Variants in TMEM232 observed in about 807,000 individuals in gnomAD.
The protein encoded by TMEM232 is transmembrane protein 232.
TMEM232 carries 80 observed loss-of-function variants against 78.8 expected under a neutral mutation model. That is an observed-to-expected ratio of 1.01 (90% CI 0.85 to 1.22). The LOEUF (loss-of-function observed/expected upper bound fraction) is 1.22. Among genes scored for constraint, TMEM232 ranks in the 50% most tolerant of loss-of-function variants. The probability of loss-of-function intolerance (pLI) is 0.00; values close to 1 mark genes in which losing one functional copy is unlikely to be tolerated. For missense variants in TMEM232, 881 were observed against 742.2 expected (o/e 1.19, Z -2.17); for synonymous variants, 297 against 254.3 (o/e 1.17, Z -1.60).
At chr5:110,409,644 T>C (rs191367523) in intron 2 of TMEM232, among the ~76,000 whole-genome samples, 10 of 152,342 alleles carry the variant, frequency 6.6e-5, no homozygotes, top group Admixed American at 2.6e-4. Context: ...GAGATAACTT[T>C]CTATGTCATT....
intron 11 of TMEM232, among the ~76,000 whole-genome samples, chr5:110,556,196 G>T (rs1306621044): frequency 6.6e-6 from 1 of 152,068 alleles, no homozygotes; most frequent in Non-Finnish European, 1.5e-5. Flanking sequence ...AATTCCCTTA[G>T]TATTCGCTTG....
At chr5:110,651,563 T>C (rs1788304138) in intron 2 of TMEM232, among the ~76,000 whole-genome samples, 1 of 151,952 alleles carries the variant, frequency 6.6e-6, no homozygotes, top group Non-Finnish European at 1.5e-5. Flanking sequence ...ATTTAAACCA[T>C]GGGGTAGAGT....
intron 1 of TMEM232, among the ~76,000 whole-genome samples, chr5:110,704,518 G>A (rs1795735744): frequency 6.6e-6 from 1 of 151,952 alleles, no homozygotes; most frequent in Non-Finnish European, 1.5e-5. Context: ...TTTTGTTTTT[G>A]TATTTTTGTT....
chr5:110,598,528 T>C (rs1780473927), intron 10 of TMEM232, among the ~76,000 whole-genome samples: 1 of 152,118 alleles, frequency 6.6e-6, no homozygotes, highest in African/African-American at 2.4e-5. Flanking sequence ...CCCAAAGGAC[T>C]ATAAATCATG....
intron 12 of TMEM232, among the ~76,000 whole-genome samples, chr5:110,459,220 A>T (rs1249723701): frequency 6.7e-6 from 1 of 150,184 alleles, no homozygotes; most frequent in Non-Finnish European, 1.5e-5. Flanking sequence ...TATCAGTAGC[A>T]ACTCTTGTCT....
intron 1 of TMEM232, chr5:110,684,717 G>T (rs1485648398): frequency 1.3e-5 from 2 of 152,070 alleles, no homozygotes; most frequent in Non-Finnish European, 2.9e-5. Flanking sequence ...GACATATAGA[G>T]AATTCTATAT....
intron 1 of TMEM232, among the ~76,000 whole-genome samples, chr5:110,723,849 C>A (rs1202053707): frequency 6.6e-6 from 1 of 152,158 alleles, no homozygotes; most frequent in African/African-American, 2.4e-5. Flanking sequence ...GTACCTTCTT[C>A]CTTGTCCCTT....
At chr5:110,410,024 A>G (rs780900665) in intron 2 of TMEM232, among the ~76,000 whole-genome samples, 19 of 152,190 alleles carry the variant, frequency 1.2e-4, no homozygotes, top group Non-Finnish European at 2.5e-4. Flanking sequence ...GTGTCTATTT[A>G]TAGGAATATA....
intron 11 of TMEM232, among the ~76,000 whole-genome samples, chr5:110,536,921 C>T (rs533428908): frequency 3.2e-4 from 49 of 152,260 alleles, no homozygotes; most frequent in African/African-American, 1.1e-3. Context: ...CCTTAAGAAA[C>T]ACTCATAATG....
At chr5:110,585,499 A>G (rs78459560) in intron 10 of TMEM232, among the ~76,000 whole-genome samples, 2,219 of 152,212 alleles carry the variant, frequency 0.015, 29 homozygotes, top group Non-Finnish European at 0.021. Flanking sequence ...GGTTTTCACA[A>G]TGTTTGTTGG....
rs1445776818 is a variant in TMEM232, at chr5:110,479,532, A to G, written c.1703+49056T>C. ...CTGTGATGGTTTTTTAACTTTATACAAACTGTATTATAAAGTATATATCAT... is the reference window on the plus strand; with the variant it reads ...CTGTGATGGTTTTTTAACTTTATACGAACTGTATTATAAAGTATATATCAT... On this transcript the variant is annotated intron_variant, in intron 12 of 13. Coordinates refer to ENST00000455884, the MANE Select transcript of TMEM232 (RefSeq NM_001039763.4). Among the ~76,000 whole-genome samples, 3 of 151,890 alleles carry G rather than the reference A, an allele frequency of 2.0e-5. No individual in the cohort carries two copies. In the East Asian group the frequency reaches 5.8e-4, roughly 29 times the overall value.
chr5:110,411,822 T>A lies in TMEM232; in HGVS notation n.308+13001A>T, dbSNP rs374993484. Among the ~76,000 whole-genome samples, 10 of 152,320 alleles carry A rather than the reference T, an allele frequency of 6.6e-5. 1 individual carries two copies. The East Asian group carries it at 7.7e-4, about 12-fold the overall frequency. ...TGTATGTATATATCACATTTGTTTG[T>A]CTATTCATCCACTGAGGGACACTTG... On this transcript the variant is annotated intron_variant and non_coding_transcript_variant, in intron 2 of 8. Transcript: ENST00000507188.
chr5:110,395,848 T>C (rs1755365089), intron 3 of TMEM232, among the ~76,000 whole-genome samples: 1 of 152,138 alleles, frequency 6.6e-6, no homozygotes, highest in Non-Finnish European at 1.5e-5. Context: ...AGCACACTTT[T>C]CTCTTTCCCT....
chr5:110,610,552 A>G, intron 8 of TMEM232: 2 of 456,322 alleles, frequency 4.4e-6, no homozygotes, highest in Non-Finnish European at 8.8e-6. Flanking sequence ...GAGCTTCTCA[A>G]AGTGAAGTTT....
At chr5:110,611,946 A>G (rs1782344071) in intron 8 of TMEM232, among the ~76,000 whole-genome samples, 5 of 152,238 alleles carry the variant, frequency 3.3e-5, no homozygotes, top group South Asian at 2.1e-4. Context: ...GATGGAGAAG[A>G]TAAGATGTCT....
In TMEM232 at chr5:110,643,055, A is replaced by T. The variant is rs372164711; in HGVS notation, c.126-684T>A. 5.9e-5 allele frequency among the ~76,000 whole-genome samples: 9 copies of T among 152,186 alleles called. 1 individual carries two copies. Among genetic ancestry groups the T allele is most frequent in the East Asian group, 5.8e-4 (3 of 5,176 alleles). On this transcript the variant is annotated intron_variant, in intron 2 of 13. Coordinates refer to ENST00000455884, the MANE Select transcript of TMEM232 (RefSeq NM_001039763.4). ...GGATCAGGATTACAGAATATAAATA[A>T]GGAGAAGAGTTTGGATAATGGATAT...
rs181865830 is a variant in TMEM232 at position 110,613,454 on chromosome 5, C to T, written c.902+4975G>A. On this transcript the variant is annotated intron_variant, in intron 8 of 13. Coordinates refer to ENST00000455884, the MANE Select transcript of TMEM232 (RefSeq NM_001039763.4). ...ATGGTCTCTCTTTGCTTTTAAATCTCGGAACATTTGTTCAACATTATGTTA... is the reference window on the plus strand; with the variant it reads ...ATGGTCTCTCTTTGCTTTTAAATCTTGGAACATTTGTTCAACATTATGTTA... 9.9e-5 allele frequency among the ~76,000 whole-genome samples: 15 copies of T among 152,202 alleles called. No individual in the cohort carries two copies. The East Asian group carries it at 2.3e-3, about 23-fold the overall frequency.
intron 12 of TMEM232, among the ~76,000 whole-genome samples, chr5:110,449,185 T>A (rs1352124723): frequency 6.6e-6 from 1 of 152,048 alleles, no homozygotes; most frequent in Non-Finnish European, 1.5e-5. Context: ...AAGAGGGTAA[T>A]TTTATATTGA....
At chr5:110,601,335 T>C (rs1780863811) in intron 10 of TMEM232, among the ~76,000 whole-genome samples, 1 of 152,124 alleles carries the variant, frequency 6.6e-6, no homozygotes, top group African/African-American at 2.4e-5. Flanking sequence ...TGAAGGGCAT[T>C]CAAATAGGAA....
Sources: allele counts gnomAD v4.1 joint callset (sites outside exome capture counted in the v4.1 genomes callset), GRCh38; gene constraint gnomAD v4.1.1; transcripts MANE v1.5; gene names NCBI Gene and HGNC (gene_info 2026-07-23, HGNC 2026-07-21).